The following PELO variants were observed in gnomAD, a reference collection of about 807,000 sequenced individuals.
PELO encodes protein pelota homolog.
PELO carries 19 observed loss-of-function variants against 25.9 expected under a neutral mutation model. The ratio of observed to expected loss-of-function variants is 0.73; its 90% confidence interval spans 0.51 to 1.08. The LOEUF is 1.08. Among genes scored for constraint, PELO ranks in the 50% least tolerant of loss-of-function variants. The pLI is 0.00. For synonymous variants in PELO, 196 were observed against 192.2 expected (o/e 1.02, Z -0.16); for missense variants, 498 against 491.4 (o/e 1.01, Z -0.13).
rs1748518004 is a variant in PELO, at chr5:52,802,986, G to A, written c.*1146G>A. ...CCTAAAAGTTAAGGAAGGAGCCTCA[G>A]TAATGGAATTGCTTCTTGACCTTTT... is the stretch of plus-strand genomic sequence containing the variant. On this transcript the variant is annotated 3_prime_UTR_variant, in exon 3 of 3. Transcript: ENST00000274311. 1 of 152,198 alleles carries A rather than the reference G, an allele frequency of 6.6e-6. No individual in the cohort carries two copies. The highest frequency in any genetic ancestry group is 1.5e-5 in the Non-Finnish European group (1 of 68,032). 9.4% of individuals were successfully genotyped at this position (152,198 alleles called of 1,614,324 possible). A position where few individuals can be genotyped will look rare whatever the true frequency, so the allele number is the denominator to read the frequency against.
At chr5:52,790,984 T>C (rs1341708903) in intron 1 of PELO, among the ~76,000 whole-genome samples, 1 of 152,160 alleles carries the variant, frequency 6.6e-6, no homozygotes, top group Non-Finnish European at 1.5e-5. Flanking sequence ...CCCTCTGACA[T>C]CTAAATAAAC....
intron 1 of PELO, among the ~76,000 whole-genome samples, chr5:52,793,845 ATAAAG>A (rs1173848558): frequency 6.6e-6 from 1 of 152,048 alleles, no homozygotes; most frequent in Non-Finnish European, 1.5e-5. Context: ...AAAGGTGACA[ATAAAG>A]TAATCATATA....
At chr5:52,793,265 T>A (rs893348722) in intron 1 of PELO, among the ~76,000 whole-genome samples, 1 of 152,104 alleles carries the variant, frequency 6.6e-6, no homozygotes, top group African/African-American at 2.4e-5. Context: ...AGGCACTTTT[T>A]AATTGAATGA....
Position 52,801,804 on chromosome 5 carries a change from T to C in PELO, c.1122T>C (p.Ser374=). 6.2e-7 allele frequency: 1 copy of C among 1,612,826 alleles called. No homozygotes were observed. The highest frequency in any genetic ancestry group is 8.5e-7 in the Non-Finnish European group (1 of 1,179,216). ...TCCGCTTCCCTGTTCCCGAACTTTC[T>C]GACCAAGAGGGTGATTCCAGTTCTG... ...AILRFPVPEL[S]DQEGDSSSEE... is the part of the protein sequence containing the mutation. The change falls in exon 3 of 3, where the codon TCT becomes TCC. Residue 374 remains serine, a synonymous_variant. Transcript: ENST00000274311.
intron 1 of PELO, among the ~76,000 whole-genome samples, chr5:52,789,655 G>A (rs1748201221): frequency 6.6e-6 from 1 of 152,130 alleles, no homozygotes; most frequent in Non-Finnish European, 1.5e-5. Flanking sequence ...GCCGGTGAGT[G>A]GTTTAACTTA....
chr5:52,791,241 C>A (rs1748232513), intron 1 of PELO, among the ~76,000 whole-genome samples: 2 of 152,070 alleles, frequency 1.3e-5, no homozygotes, highest in African/African-American at 4.8e-5. Context: ...TTTAGAGAGG[C>A]CTTAAAGGAA....
At chr5:52,797,364 C>T (rs1291972292) in intron 1 of PELO, among the ~76,000 whole-genome samples, 1 of 151,270 alleles carries the variant, frequency 6.6e-6, no homozygotes, top group Non-Finnish European at 1.5e-5. Flanking sequence ...AAGGGTTTTT[C>T]ACAGGTTTCT....
At chr5:52,793,543 A>G (rs1748282170) in intron 1 of PELO, among the ~76,000 whole-genome samples, 1 of 152,110 alleles carries the variant, frequency 6.6e-6, no homozygotes, top group Non-Finnish European at 1.5e-5. Context: ...CAAAATTGGG[A>G]AAATGTGCGT....
In PELO at chr5:52,802,001, A is replaced by T. The variant is rs975820710; in HGVS notation, c.*161A>T. 3.5e-6 allele frequency: 2 copies of T among 571,094 alleles called. No individual in the cohort carries two copies. Among genetic ancestry groups the T allele is most frequent in the Non-Finnish European group, 6.2e-6 (2 of 324,736 alleles). 35.4% of individuals were successfully genotyped at this position (571,094 alleles called of 1,614,324 possible). A position where few individuals can be genotyped will look rare whatever the true frequency, so the allele number is the denominator to read the frequency against. On this transcript the variant is annotated 3_prime_UTR_variant, in exon 3 of 3. Coordinates refer to ENST00000274311, the MANE Select transcript of PELO (RefSeq NM_015946.5). ...CTAGATATTTTGTGATTGGCAAGAC[A>T]TGTATTTAAACAATAAACTAAAAGG...
intron 2 of PELO, 68 bp from the exon 3 acceptor site, chr5:52,801,340 GC>G (rs1380152146): frequency 3.6e-6 from 5 of 1,370,046 alleles, no homozygotes; most frequent in Non-Finnish European, 5.0e-6. Context: ...TTGGCTTTAA[GC>G]CTTTGTGAGC....
At chr5:52,790,585 G>C (rs117834432) in intron 1 of PELO, among the ~76,000 whole-genome samples, 1 of 152,100 alleles carries the variant, frequency 6.6e-6, no homozygotes, top group South Asian at 2.1e-4. Context: ...ATCTTCAACC[G>C]AGCAGGGTAG....
In PELO at chr5:52,801,877, C is replaced by G; in HGVS notation, c.*37C>G. ...TAAAATTGAGACAATCTTGTGTTTC[C>G]TAAACTGTTACAGTACATTTCTCAG... On this transcript the variant is annotated 3_prime_UTR_variant, in exon 3 of 3. Transcript: ENST00000274311. The G allele has an allele frequency of 1.4e-6, 2 of 1,463,626 alleles. No homozygotes were observed. Among genetic ancestry groups the G allele is most frequent in the South Asian group, 1.3e-5 (1 of 76,570 alleles). The allele number at this position is 1,463,626 out of a possible 1,614,324, so 90.7% of individuals were successfully genotyped here. A position where few individuals can be genotyped will look rare whatever the true frequency, so the allele number is the denominator to read the frequency against.
At chr5:52,793,147 T>C (rs1431479071) in intron 1 of PELO, among the ~76,000 whole-genome samples, 1 of 152,084 alleles carries the variant, frequency 6.6e-6, no homozygotes, top group African/African-American at 2.4e-5. Flanking sequence ...TTTGCTTCTA[T>C]TATATAATGC....
chr5:52,793,551 C>T (rs868227277), intron 1 of PELO, among the ~76,000 whole-genome samples: 1 of 151,962 alleles, frequency 6.6e-6, no homozygotes, highest in Non-Finnish European at 1.5e-5. Context: ...GGAAAATGTG[C>T]GTCTGAAAAT....
Position 52,788,297 on chromosome 5 carries a change from C to T in PELO, c.-628C>T. ...GCCCAGCCAGAGAGCGCAGCTCCCG[C>T]GCCCGGTCCTGCCCTGCGAACCAGC... On this transcript the variant is annotated 5_prime_UTR_variant, in exon 1 of 3. Transcript: ENST00000274311. 2.2e-6 allele frequency: 3 copies of T among 1,353,348 alleles called. No homozygotes were observed. Among genetic ancestry groups the T allele is most frequent in the Non-Finnish European group, 1.9e-6 (2 of 1,035,012 alleles). 83.8% of individuals were successfully genotyped at this position (1,353,348 alleles called of 1,614,324 possible). A position where few individuals can be genotyped will look rare whatever the true frequency, so the allele number is the denominator to read the frequency against.
intron 1 of PELO, among the ~76,000 whole-genome samples, chr5:52,793,939 G>C (rs894194035): frequency 6.6e-6 from 1 of 151,914 alleles, no homozygotes; most frequent in Non-Finnish European, 1.5e-5. Flanking sequence ...TAAGCTCCAG[G>C]GTTGTGTATA....
intron 2 of PELO, 97 bp downstream of exon 2, chr5:52,801,217 G>A: frequency 7.7e-7 from 1 of 1,297,336 alleles, no homozygotes; most frequent in Non-Finnish European, 1.1e-6. Flanking sequence ...AGAAGAGAAA[G>A]TCTTTACTTA....
In PELO at chr5:52,800,995, G is replaced by T. The variant is rs776377670; in HGVS notation, c.601G>T (p.Val201Phe). The change falls in exon 2 of 3, where the codon GTT becomes TTT. Residue 201 changes from valine (V) to phenylalanine (F), a missense_variant. By Grantham distance (50) the Val-to-Phe change is conservative. Coordinates refer to ENST00000274311, the MANE Select transcript of PELO (RefSeq NM_015946.5). The part of the protein sequence containing the change: ...QAIQRHIHFD[V>F]VKCILVASPG... Reference sequence around the variant, plus strand: ...TATCCAGCGCCACATACACTTTGATGTTGTAAAGTGCATCCTGGTGGCCAG... The same window carrying T: ...TATCCAGCGCCACATACACTTTGATTTTGTAAAGTGCATCCTGGTGGCCAG... 1 of 1,614,208 alleles carries T rather than the reference G, an allele frequency of 6.2e-7. No homozygotes were observed. The highest frequency in any genetic ancestry group is 1.1e-5 in the South Asian group (1 of 91,078).
At chr5:52,799,111 G>A (rs1351293552) in intron 1 of PELO, among the ~76,000 whole-genome samples, 1 of 152,164 alleles carries the variant, frequency 6.6e-6, no homozygotes, top group African/African-American at 2.4e-5. Flanking sequence ...AAAAGACAGT[G>A]AGAAGCTATG....
Sources: gnomAD v4.1 joint callset for allele counts (sites outside exome capture counted in the v4.1 genomes callset) on GRCh38, gnomAD v4.1.1 for gene constraint, MANE v1.5 for transcripts, NCBI Gene and HGNC (gene_info 2026-07-23, HGNC 2026-07-21) for gene names.